ARPP21: variants seen among roughly 807,000 people sequenced by gnomAD.
ARPP21 encodes cAMP regulated phosphoprotein 21.
In ARPP21, 69 loss-of-function variants were observed where a neutral mutation model predicts 113.2. That is an observed-to-expected ratio of 0.61 (90% confidence interval 0.50 to 0.74). The LOEUF (loss-of-function observed/expected upper bound fraction) is 0.74, where lower values mean the gene tolerates loss of function less well. Among genes scored for constraint, ARPP21 ranks in the 30% least tolerant of loss-of-function variants. ARPP21 has a pLI of 0.00. For missense variants in ARPP21, 1,070 were observed against 1,037.4 expected, an observed-to-expected ratio of 1.03 and a Z score of -0.43; for synonymous variants, 368 against 375.5, an observed-to-expected ratio of 0.98 and a Z score of 0.23.
chr3:35,655,109 T>C (rs1440810855), intron 1 of ARPP21, among the ~76,000 whole-genome samples: 1 of 151,976 alleles, frequency 6.6e-6, no homozygotes, highest in Non-Finnish European at 1.5e-5. Flanking sequence ...TAATTCATCA[T>C]ATGCATTAGC....
chr3:35,707,508 A>C (rs1403367753), intron 10 of ARPP21: 2 of 459,894 alleles, frequency 4.3e-6, no homozygotes, highest in Admixed American at 4.7e-5. Flanking sequence ...CCGATGATCA[A>C]CCGGTGTAGC....
intron 10 of ARPP21, chr3:35,707,593 G>T (rs987684226): frequency 8.8e-6 from 4 of 453,764 alleles, no homozygotes; most frequent in African/African-American, 8.0e-5. Flanking sequence ...TCAGAGAAAA[G>T]AATTGAGTTC....
intron 19 of ARPP21, among the ~76,000 whole-genome samples, chr3:35,746,560 A>T (rs1409801953): frequency 6.6e-6 from 1 of 152,120 alleles, no homozygotes; most frequent in Admixed American, 6.5e-5. Flanking sequence ...GTCATGTTTT[A>T]ACTTGTTCTT....
intron 20 of ARPP21, among the ~76,000 whole-genome samples, chr3:35,793,423 T>A (rs1577111221): frequency 6.6e-6 from 1 of 152,202 alleles, no homozygotes; most frequent in East Asian, 1.9e-4. Context: ...CTTCTCAGCA[T>A]CTACTGCATT....
intron 1 of ARPP21, among the ~76,000 whole-genome samples, 195 bp downstream of exon 1, chr3:35,640,593 G>C (rs1301337832): frequency 6.6e-6 from 1 of 152,116 alleles, no homozygotes; most frequent in Non-Finnish European, 1.5e-5. Flanking sequence ...AGGGATGGAC[G>C]CTCCTTCCCC....
chr3:35,781,733 A>G lies in ARPP21; in HGVS notation c.2138-10649A>G, dbSNP rs1012310454. 20 of 152,192 alleles carry G rather than the reference A, an allele frequency of 1.3e-4. No homozygotes were observed. In the East Asian group the frequency reaches 3.5e-3, roughly 26 times the overall value. The allele number at this position is 152,192 out of a possible 1,614,324, so 9.4% of individuals were successfully genotyped here. On this transcript the variant is annotated intron_variant, in intron 19 of 20. Coordinates refer to ENST00000684406, the MANE Select transcript of ARPP21 (RefSeq NM_001385562.1). ...GTTGTGACATCATCTGGTGTCCACT[A>G]TCTTTACTTTGGGTAAATCATTGCT...
chr3:35,660,065 C>G (rs543873073), intron 1 of ARPP21, among the ~76,000 whole-genome samples: 1 of 152,158 alleles, frequency 6.6e-6, no homozygotes, highest in South Asian at 2.1e-4. Flanking sequence ...CCCTGACAAG[C>G]CTTCCTGGCA....
At chr3:35,649,191 G>A (rs2148950744) in intron 1 of ARPP21, among the ~76,000 whole-genome samples, 1 of 152,188 alleles carries the variant, frequency 6.6e-6, no homozygotes, top group African/African-American at 2.4e-5. Context: ...CTCTAAATAA[G>A]GTTTTAATTG....
In ARPP21 at chr3:35,721,615, G is replaced by A; in HGVS notation, c.1006G>A (p.Asp336Asn). The A allele has an allele frequency of 6.2e-7, 1 of 1,608,688 alleles. No individual in the cohort carries two copies. Among genetic ancestry groups the A allele is most frequent in the Non-Finnish European group, 8.5e-7 (1 of 1,175,230 alleles). ...GTGGTCGTACTCCAGGGGCAACAGA[G>A]ATGGCTCAGGGAGAACATCTGGGAG... ...KKRQLFRGNR[D>N]GSGRTSGSRQ... Residue 336 changes from aspartate (D) to asparagine (N), a missense_variant, in exon 14 of 21, where the codon GAT becomes AAT. Asp to Asn is a conservative substitution (Grantham distance 23). Transcript: ENST00000684406.
intron 19 of ARPP21, among the ~76,000 whole-genome samples, chr3:35,759,913 A>G (rs1318945742): frequency 6.6e-6 from 1 of 152,080 alleles, no homozygotes; most frequent in Non-Finnish European, 1.5e-5. Context: ...AATATGGCCA[A>G]CAAACACTAA....
chr3:35,723,710 G>A (rs1576317691), intron 14 of ARPP21, among the ~76,000 whole-genome samples: 1 of 152,216 alleles, frequency 6.6e-6, no homozygotes, highest in East Asian at 1.9e-4. Flanking sequence ...CACTTCCAAA[G>A]CAAAGCTCTT....
intron 11 of ARPP21, among the ~76,000 whole-genome samples, chr3:35,714,309 G>A (rs1455378189): frequency 6.6e-6 from 1 of 152,184 alleles, no homozygotes; most frequent in Non-Finnish European, 1.5e-5. Flanking sequence ...CATTGGCTTA[G>A]TGGAAGGAAA....
intron 1 of ARPP21, among the ~76,000 whole-genome samples, chr3:35,645,043 C>G (rs1264214413): frequency 6.6e-6 from 1 of 151,854 alleles, no homozygotes; most frequent in Non-Finnish European, 1.5e-5. Flanking sequence ...CTGTCTCATT[C>G]AAGGAATATA....
chr3:35,743,751 C>A, intron 18 of ARPP21, 88 bp from the exon 19 acceptor site: 3 of 1,432,092 alleles, frequency 2.1e-6, no homozygotes, highest in Non-Finnish European at 2.9e-6. Context: ...CAACCTACCA[C>A]AATTATAAGA....
Position 35,721,499 on chromosome 3 carries a change from G to C in ARPP21, c.996-106G>C. 8 of 677,500 alleles carry C rather than the reference G, an allele frequency of 1.2e-5. No individual in the cohort carries two copies. The South Asian group carries it at 1.5e-4, about 12-fold the overall frequency. The allele number at this position is 677,500 out of a possible 1,614,324, so 42.0% of individuals were successfully genotyped here. On this transcript the variant is annotated intron_variant, in intron 13 of 20. Transcript: ENST00000684406. ...TTAATGAAAAGGGTTGGCAGGAAGG[G>C]TCTTGTGTGGATCACCTTCCAAGAA...
chr3:35,792,427 T>C lies in ARPP21; in HGVS notation c.2183T>C (p.Ile728Thr), dbSNP rs148862077. The change falls in exon 20 of 21, where the codon ATA (isoleucine) becomes ACA (threonine). Residue 728 changes from isoleucine (I) to threonine (T), a missense_variant. By Grantham distance (89) the Ile-to-Thr change is moderately conservative (BLOSUM62 -1). Coordinates refer to ENST00000684406, the MANE Select transcript of ARPP21 (RefSeq NM_001385562.1). ...LSGQQGFQGLIGVQQPPQSQN... is the reference protein window; with the variant it reads ...LSGQQGFQGLTGVQQPPQSQN... ...GGTCAACAGGGATTCCAAGGCCTAATAGGAGTGCAGCAGCCACCTCAGAGT... is the reference window on the plus strand; with the variant it reads ...GGTCAACAGGGATTCCAAGGCCTAACAGGAGTGCAGCAGCCACCTCAGAGT... The C allele has an allele frequency of 3.0e-5, 49 of 1,613,868 alleles. No homozygotes were observed. The highest frequency in any genetic ancestry group is 4.2e-5 in the Non-Finnish European group (49 of 1,179,862).
At chr3:35,713,697 C>A (rs183811055) in intron 11 of ARPP21, among the ~76,000 whole-genome samples, 14 of 152,214 alleles carry the variant, frequency 9.2e-5, no homozygotes, top group Admixed American at 5.9e-4. Context: ...TTGGCATGGG[C>A]AAGGTATCTT....
intron 1 of ARPP21, chr3:35,642,050 T>C (rs1202854751): frequency 1.3e-5 from 2 of 152,216 alleles, no homozygotes; most frequent in Non-Finnish European, 2.9e-5. Flanking sequence ...AGGACGTATA[T>C]TTAAATAAAC....
At chr3:35,755,367 T>C (rs1198285699) in intron 19 of ARPP21, among the ~76,000 whole-genome samples, 1 of 152,056 alleles carries the variant, frequency 6.6e-6, no homozygotes, top group Non-Finnish European at 1.5e-5. Context: ...TCTTTAACTC[T>C]TGACTGTACA....
Sources: allele counts gnomAD v4.1 joint callset (sites outside exome capture counted in the v4.1 genomes callset), GRCh38; gene constraint gnomAD v4.1.1; transcripts MANE v1.5; gene names NCBI Gene and HGNC (gene_info 2026-07-23, HGNC 2026-07-21).